ACAD11: variants seen among roughly 807,000 people sequenced by gnomAD.
ACAD11 encodes acyl-Coenzyme A dehydrogenase family, member 11.
A neutral mutation model predicts 102.2 loss-of-function variants in ACAD11; 83 were observed. That is an observed-to-expected ratio of 0.81 (90% CI 0.68 to 0.97). The LOEUF is 0.97. Among genes scored for constraint, ACAD11 ranks in the 50% least tolerant of loss-of-function variants. The pLI is 0.00. For missense variants in ACAD11, 901 were observed against 951.7 expected (o/e 0.95, Z 0.70); for synonymous variants, 324 against 319.8 (o/e 1.01, Z -0.14).
chr3:132,611,900 A>G (rs1388716245), intron 11 of ACAD11, among the ~76,000 whole-genome samples: 1 of 152,092 alleles, frequency 6.6e-6, no homozygotes, highest in Non-Finnish European at 1.5e-5. Context: ...GAACCAAAAA[A>G]GAGCCTGCAT....
intron 17 of ACAD11, among the ~76,000 whole-genome samples, chr3:132,563,278 G>C (rs1937116140): frequency 6.6e-6 from 1 of 151,992 alleles, no homozygotes; most frequent in South Asian, 2.1e-4. Flanking sequence ...AATTGTTTTG[G>C]CTACTTTAGT....
chr3:132,628,012 CATCTT>C (rs1315165470), intron 8 of ACAD11, among the ~76,000 whole-genome samples: 1 of 152,126 alleles, frequency 6.6e-6, no homozygotes, highest in Non-Finnish European at 1.5e-5. Flanking sequence ...ATTAATAAAT[CATCTT>C]ATATAATGCA....
chr3:132,610,954 C>T (rs1416784208), intron 11 of ACAD11, among the ~76,000 whole-genome samples: 1 of 152,146 alleles, frequency 6.6e-6, no homozygotes, highest in Non-Finnish European at 1.5e-5. Flanking sequence ...CCTTGATTAA[C>T]ATTGATGCAA....
At chr3:132,589,085 G>A (rs1428184637) in intron 13 of ACAD11, among the ~76,000 whole-genome samples, 2 of 152,142 alleles carry the variant, frequency 1.3e-5, no homozygotes, top group African/African-American at 4.8e-5. Context: ...TTCACTATAT[G>A]AGGACAGAAC....
chr3:132,559,794 CT>C (rs760532647), intron 19 of ACAD11, 38 bp downstream of exon 19: 5 of 1,542,250 alleles, frequency 3.2e-6, no homozygotes, highest in Non-Finnish European at 4.5e-6. Context: ...ACCTCCACGC[CT>C]ATCAAACGTA....
chr3:132,615,079 C>G (rs1444689107), intron 11 of ACAD11, among the ~76,000 whole-genome samples: 1 of 152,192 alleles, frequency 6.6e-6, no homozygotes, highest in Non-Finnish European at 1.5e-5. Flanking sequence ...AAAAAAAGCT[C>G]ATCATCACTG....
chr3:132,589,845 T>G (rs1332414631), intron 13 of ACAD11, among the ~76,000 whole-genome samples: 1 of 152,188 alleles, frequency 6.6e-6, no homozygotes, highest in Non-Finnish European at 1.5e-5. Flanking sequence ...TTGTTATCTT[T>G]TCTGCTCCTT....
intron 1 of ACAD11, among the ~76,000 whole-genome samples, chr3:132,649,335 T>C (rs1331068926): frequency 6.6e-6 from 1 of 152,216 alleles, no homozygotes; most frequent in African/African-American, 2.4e-5. Flanking sequence ...AACCCAATTG[T>C]ACATTTGTTT....
intron 1 of ACAD11, 87 bp from the exon 2 acceptor site, chr3:132,644,983 A>C (rs1231056597): frequency 2.6e-6 from 2 of 769,966 alleles, no homozygotes; most frequent in Non-Finnish European, 4.2e-6. Context: ...AGAAGAAACA[A>C]ATGAAAATAA....
chr3:132,582,122 T>C (rs916102858), intron 13 of ACAD11, among the ~76,000 whole-genome samples: 1 of 151,834 alleles, frequency 6.6e-6, no homozygotes, highest in Non-Finnish European at 1.5e-5. Flanking sequence ...CTTTAACAAT[T>C]ATTTGAGGTT....
intron 1 of ACAD11, among the ~76,000 whole-genome samples, chr3:132,650,845 C>T (rs1429462884): frequency 6.6e-6 from 1 of 152,050 alleles, no homozygotes; most frequent in East Asian, 1.9e-4. Flanking sequence ...TACCAGAAGT[C>T]CCAAATTCCC....
At chr3:132,610,392 T>C (rs1433737977) in intron 11 of ACAD11, among the ~76,000 whole-genome samples, 1 of 151,778 alleles carries the variant, frequency 6.6e-6, no homozygotes, top group African/African-American at 2.4e-5. Flanking sequence ...CTGAAGGAAA[T>C]ACAGACACAA....
intron 13 of ACAD11, among the ~76,000 whole-genome samples, chr3:132,596,025 C>T (rs564615214): frequency 4.3e-4 from 66 of 152,226 alleles, no homozygotes; most frequent in Non-Finnish European, 8.5e-4. Flanking sequence ...TGGAATCAAC[C>T]TAAATATTTG....
chr3:132,631,453 C>G lies in ACAD11; in HGVS notation c.729G>C (p.Trp243Cys). 6.5e-7 allele frequency: 1 copy of G among 1,538,656 alleles called. No individual in the cohort carries two copies. The highest frequency in any genetic ancestry group is 2.4e-5 in the East Asian group (1 of 41,494). ...KECRVIAVLDWELSTIGHPLS... is the reference protein window; with the variant it reads ...KECRVIAVLDCELSTIGHPLS... ...AAGGATGACCAATGGTTGACAGCTC[C>G]CAATCCAGCACTGCTATAACTCGAC... The change falls in exon 6 of 20, where the codon TGG (tryptophan) becomes TGC (cysteine). Residue 243 changes from tryptophan to cysteine, a missense_variant. By Grantham distance (215) the Trp-to-Cys change is radical. Transcript: ENST00000264990.
chr3:132,641,664 A>G (rs535448890), intron 4 of ACAD11, among the ~76,000 whole-genome samples: 8,516 of 141,176 alleles, frequency 0.06, 339 homozygotes, highest in Middle Eastern at 0.085. Flanking sequence ...GAAGAAGAGG[A>G]GGAAGAAGAG....
intron 9 of ACAD11, among the ~76,000 whole-genome samples, chr3:132,622,085 T>C (rs1164993004): frequency 3.3e-5 from 5 of 152,166 alleles, no homozygotes; most frequent in Admixed American, 2.0e-4. Flanking sequence ...TTCCAATATT[T>C]TGCTATTATA....
At chr3:132,635,244 A>G (rs1435235431) in intron 5 of ACAD11, among the ~76,000 whole-genome samples, 1 of 152,100 alleles carries the variant, frequency 6.6e-6, no homozygotes, top group Non-Finnish European at 1.5e-5. Flanking sequence ...TTCTATATAT[A>G]GGAGTGATAT....
chr3:132,644,578 G>T (rs1350730335), intron 2 of ACAD11, among the ~76,000 whole-genome samples: 2 of 152,052 alleles, frequency 1.3e-5, no homozygotes, highest in Non-Finnish European at 1.5e-5. Context: ...ACTGGGTGTT[G>T]TTCAAGATTA....
chr3:132,648,459 T>A (rs778577720), intron 1 of ACAD11: 1 of 152,036 alleles, frequency 6.6e-6, no homozygotes, highest in Non-Finnish European at 1.5e-5. Context: ...CTCAGACTCA[T>A]GGCATCATCC....
Sources: gnomAD v4.1 joint callset for allele counts (sites outside exome capture counted in the v4.1 genomes callset) on GRCh38, gnomAD v4.1.1 for gene constraint, MANE v1.5 for transcripts, NCBI Gene and HGNC (gene_info 2026-07-23, HGNC 2026-07-21) for gene names.